Variants in PIK3AP1 observed in about 807,000 individuals in gnomAD.
PIK3AP1 encodes phosphoinositide 3-kinase adapter protein 1.
Under a neutral mutation model 88.1 loss-of-function variants are expected in PIK3AP1, and 21 were observed. The ratio of observed to expected loss-of-function variants is 0.24; its 90% CI spans 0.17 to 0.34. The LOEUF (loss-of-function observed/expected upper bound fraction) is 0.34. PIK3AP1 is among the 10% of genes least tolerant of loss of function. The probability of loss-of-function intolerance (pLI) is 1.00; values close to 1 mark genes in which losing one functional copy is unlikely to be tolerated. For missense variants in PIK3AP1, 828 were observed against 1,035.7 expected, an observed-to-expected ratio of 0.80 and a Z score of 2.75; for synonymous variants, 398 against 400.0, an observed-to-expected ratio of 1.00 and a Z score of 0.06.
At chr10:96,605,695 T>C (rs1417588021) in intron 14 of PIK3AP1, among the ~76,000 whole-genome samples, 4 of 152,260 alleles carry the variant, frequency 2.6e-5, no homozygotes, top group African/African-American at 7.2e-5. Context: ...TAGAGCAGGT[T>C]AAGATTCTAA....
intron 11 of PIK3AP1, among the ~76,000 whole-genome samples, chr10:96,622,851 C>T (rs895653397): frequency 4.6e-5 from 7 of 152,200 alleles, no homozygotes; most frequent in Non-Finnish European, 1.0e-4. Flanking sequence ...AAAAATAAGA[C>T]TTCCAAGTTG....
chr10:96,679,370 A>T (rs1230249712), intron 2 of PIK3AP1, among the ~76,000 whole-genome samples: 29 of 152,224 alleles, frequency 1.9e-4, no homozygotes, highest in Non-Finnish European at 2.9e-5. Flanking sequence ...TCTACTAAAA[A>T]TACAAAAATT....
At chr10:96,597,749 G>A (rs1032635557) in intron 16 of PIK3AP1, among the ~76,000 whole-genome samples, 1 of 152,140 alleles carries the variant, frequency 6.6e-6, no homozygotes, top group African/African-American at 2.4e-5. Context: ...CACACAACAA[G>A]TAAAGCTAAT....
At chr10:96,622,181 G>A (rs1843093137) in intron 11 of PIK3AP1, among the ~76,000 whole-genome samples, 1 of 152,230 alleles carries the variant, frequency 6.6e-6, no homozygotes, top group Admixed American at 6.5e-5. Context: ...CAGGTATAAA[G>A]TAGGTGCTGG....
At chr10:96,668,242 C>G (rs1843792932) in intron 2 of PIK3AP1, among the ~76,000 whole-genome samples, 1 of 152,154 alleles carries the variant, frequency 6.6e-6, no homozygotes, top group African/African-American at 2.4e-5. Flanking sequence ...ACACCAAAAA[C>G]TGCTGAGTTG....
At chr10:96,711,739 ATTTTTT>A (rs763923650) in intron 1 of PIK3AP1, among the ~76,000 whole-genome samples, 34 of 66,446 alleles carry the variant, frequency 5.1e-4, no homozygotes, top group African/African-American at 1.6e-3. Flanking sequence ...AGATTACCAA[ATTTTTT>A]TTTTTTTTTT....
chr10:96,645,062 T>G (rs1237637898), intron 8 of PIK3AP1, among the ~76,000 whole-genome samples: 1 of 152,232 alleles, frequency 6.6e-6, no homozygotes. Flanking sequence ...CTCTTTCCTA[T>G]TTCAATTAGG....
At chr10:96,644,870 C>T (rs1383199513) in intron 8 of PIK3AP1, among the ~76,000 whole-genome samples, 1 of 151,958 alleles carries the variant, frequency 6.6e-6, no homozygotes, top group Non-Finnish European at 1.5e-5. Context: ...AAGAGTTGTT[C>T]ACCATCTAGG....
intron 8 of PIK3AP1, among the ~76,000 whole-genome samples, chr10:96,628,873 C>CATATATATACACACACACATATAT (rs1564961127): frequency 0.011 from 242 of 22,446 alleles, 35 homozygotes; most frequent in East Asian, 0.047. Context: ...CACATATATA[C>CATATATATACACACACACATATAT]ACATATATAT....
At chr10:96,610,972 G>T (rs192060842) in intron 13 of PIK3AP1, among the ~76,000 whole-genome samples, 95 of 152,232 alleles carry the variant, frequency 6.2e-4, no homozygotes, top group African/African-American at 2.2e-3. Context: ...TTATCTTCTG[G>T]TACCACTTCC....
At chr10:96,693,978 T>C (rs1203188977) in intron 2 of PIK3AP1, among the ~76,000 whole-genome samples, 2 of 152,186 alleles carry the variant, frequency 1.3e-5, no homozygotes, top group Non-Finnish European at 2.9e-5. Flanking sequence ...GGCTCTAGGA[T>C]ACCATTAAAT....
chr10:96,685,349 A>G (rs937146515), intron 2 of PIK3AP1, among the ~76,000 whole-genome samples: 1 of 152,196 alleles, frequency 6.6e-6, no homozygotes, highest in Non-Finnish European at 1.5e-5. Flanking sequence ...TTCATTGTTC[A>G]GGTCCACAAA....
chr10:96,628,855 T>C (rs1304287492), intron 8 of PIK3AP1, among the ~76,000 whole-genome samples: 5 of 137,444 alleles, frequency 3.6e-5, no homozygotes, highest in Non-Finnish European at 6.2e-5. Context: ...AACATATATA[T>C]ACACACACAC....
At chr10:96,709,445 A>G in intron 2 of PIK3AP1, 122 bp downstream of exon 2, 1 of 1,266,204 alleles carries the variant, frequency 7.9e-7, no homozygotes, top group Non-Finnish European at 1.1e-6. Context: ...CTCTAAACCC[A>G]TAAATATGAC....
At position 96,620,565 on chromosome 10, in the gene PIK3AP1, G is replaced by T. The variant is rs1323671347; in HGVS notation, c.1736-8C>A. On this transcript the variant is annotated splice_region_variant and splice_polypyrimidine_tract_variant and intron_variant, in intron 11 of 16. Coordinates refer to ENST00000339364, the MANE Select transcript of PIK3AP1 (RefSeq NM_152309.3). ...ATGGTCTGACGGGCGGCCCTGGAAA[G>T]GATGGCAAAACTCAGCTTGACAGCT... 1 of 1,610,946 alleles carries T rather than the reference G, an allele frequency of 6.2e-7. No homozygotes were observed. The highest frequency in any genetic ancestry group is 8.5e-7 in the Non-Finnish European group (1 of 1,178,954).
intron 2 of PIK3AP1, among the ~76,000 whole-genome samples, chr10:96,689,230 G>A (rs1844118128): frequency 6.6e-6 from 1 of 151,956 alleles, no homozygotes. Context: ...CCCTCGTCCT[G>A]GGATGTCTTT....
chr10:96,712,392 C>T (rs1424527882), intron 1 of PIK3AP1, among the ~76,000 whole-genome samples: 1 of 152,118 alleles, frequency 6.6e-6, no homozygotes, highest in Non-Finnish European at 1.5e-5. Flanking sequence ...GAATGCCTAC[C>T]CTGATTCCAA....
rs1844556950 is a variant in PIK3AP1, at chr10:96,720,448, G to A, written c.-54C>T. 2 of 1,218,544 alleles carry A rather than the reference G, an allele frequency of 1.6e-6. No individual in the cohort carries two copies. The highest frequency in any genetic ancestry group is 2.0e-6 in the Non-Finnish European group (2 of 977,408). The allele number at this position is 1,218,544 out of a possible 1,614,324, so 75.5% of individuals were successfully genotyped here. On this transcript the variant is annotated 5_prime_UTR_variant, in exon 1 of 17. Coordinates refer to ENST00000339364, the MANE Select transcript of PIK3AP1 (RefSeq NM_152309.3). The surrounding 1 kb of genome is among the most constrained non-coding windows in gnomAD (Gnocchi z 4.6). Reference sequence around the variant, plus strand: ...TCGCTGCGTGCCCGGGGCCGGGACCGGGGCCGGCGGCGTCCTGGCTCGGGC... The same window carrying A: ...TCGCTGCGTGCCCGGGGCCGGGACCAGGGCCGGCGGCGTCCTGGCTCGGGC...
intron 3 of PIK3AP1, among the ~76,000 whole-genome samples, chr10:96,655,451 G>A (rs1024300905): frequency 8.5e-5 from 13 of 152,168 alleles, no homozygotes; most frequent in Admixed American, 1.3e-4. Flanking sequence ...AGGTTGCAGC[G>A]AGCTGAGATC....
Sources: gnomAD v4.1 joint callset for allele counts (sites outside exome capture counted in the v4.1 genomes callset) on GRCh38, gnomAD v4.1.1 for gene constraint, Gnocchi (gnomAD v3.1) non-coding constraint, MANE v1.5 for transcripts, NCBI Gene and HGNC (gene_info 2026-07-23, HGNC 2026-07-21) for gene names.